TMEFF2: variants seen among roughly 807,000 people sequenced by gnomAD.
TMEFF2 encodes tomoregulin-2.
Under a neutral mutation model 53.8 loss-of-function variants are expected in TMEFF2, and 28 were observed. The ratio of observed to expected loss-of-function variants is 0.52; its 90% CI spans 0.39 to 0.71. The LOEUF (loss-of-function observed/expected upper bound fraction) is 0.71, where lower values mean the gene tolerates loss of function less well. Among genes scored for constraint, TMEFF2 ranks in the 30% least tolerant of loss-of-function variants. The pLI, the probability that TMEFF2 is intolerant of heterozygous loss-of-function variation, is 0.00. For synonymous variants in TMEFF2, 162 were observed against 166.3 expected (o/e 0.97, Z 0.20); for missense variants, 353 against 455.2 (o/e 0.78, Z 2.04).
At chr2:192,153,719 T>A (rs921303430) in intron 4 of TMEFF2, among the ~76,000 whole-genome samples, 2 of 151,868 alleles carry the variant, frequency 1.3e-5, no homozygotes, top group Non-Finnish European at 2.9e-5. Flanking sequence ...TCTACATTGT[T>A]TTCTGTTTTG....
At chr2:191,956,569 G>A (rs1274002370) in intron 7 of TMEFF2, among the ~76,000 whole-genome samples, 191 bp from the exon 8 acceptor site, 2 of 152,122 alleles carry the variant, frequency 1.3e-5, no homozygotes, top group Non-Finnish European at 2.9e-5. Context: ...GATGAAATTT[G>A]CAAAATTACC....
chr2:192,159,243 T>C (rs1184129940), intron 4 of TMEFF2, among the ~76,000 whole-genome samples: 1 of 152,102 alleles, frequency 6.6e-6, no homozygotes, highest in Non-Finnish European at 1.5e-5. Flanking sequence ...CAAGACTTTA[T>C]ACAAGAAGGA....
chr2:192,162,920 C>T (rs1453769389), intron 4 of TMEFF2, among the ~76,000 whole-genome samples: 1 of 152,120 alleles, frequency 6.6e-6, no homozygotes, highest in Non-Finnish European at 1.5e-5. Flanking sequence ...AACTGGAGTC[C>T]TTATTGATAT....
intron 4 of TMEFF2, among the ~76,000 whole-genome samples, chr2:192,167,987 G>A (rs967989449): frequency 2.5e-4 from 38 of 152,040 alleles, no homozygotes; most frequent in Non-Finnish European, 2.6e-4. Context: ...CATAGCACAC[G>A]CCAGACACAA....
intron 4 of TMEFF2, among the ~76,000 whole-genome samples, chr2:192,130,947 T>C (rs1210270349): frequency 6.6e-6 from 1 of 151,160 alleles, no homozygotes; most frequent in African/African-American, 2.4e-5. Context: ...TGTTTAATCA[T>C]TGCAGGGACG....
intron 4 of TMEFF2, among the ~76,000 whole-genome samples, chr2:192,120,743 T>C (rs368863928): frequency 1.2e-4 from 18 of 148,936 alleles, no homozygotes; most frequent in East Asian, 3.9e-4. Context: ...GAATAAACAT[T>C]TTTTTTTTTT....
intron 4 of TMEFF2, among the ~76,000 whole-genome samples, chr2:192,121,760 T>C (rs1689559498): frequency 2.0e-5 from 3 of 152,074 alleles, no homozygotes; most frequent in Admixed American, 6.6e-5. Flanking sequence ...AGTAACACAA[T>C]CAAATTTTGG....
chr2:192,182,838 G>A (rs1455549918), intron 3 of TMEFF2, among the ~76,000 whole-genome samples: 1 of 151,830 alleles, frequency 6.6e-6, no homozygotes, highest in Non-Finnish European at 1.5e-5. Flanking sequence ...TTGTCCTAAA[G>A]TACTATTTCT....
rs1387560075 is a variant in TMEFF2 at position 192,193,753 on chromosome 2, TAGATAGATAGAGAGAGAGAGAGAGAGAG to T, written c.172+572_172+599del. On this transcript the variant is annotated intron_variant, in intron 1 of 9. Coordinates refer to ENST00000272771, the MANE Select transcript of TMEFF2 (RefSeq NM_016192.4). ...GAAGGGAATGAGAGAGAGAGAGAGA[TAGATAGATAGAGAGAGAGAGAGAGAGAG>T]AGAGAGAGAGAGAGAGAGAGAGAGA... Among the ~76,000 whole-genome samples, 338 of 122,740 alleles carry T rather than the reference TAGATAGATAGAGAGAGAGAGAGAGAGAG, an allele frequency of 2.8e-3. 7 individuals are homozygous for T. The highest frequency in any genetic ancestry group is 0.025 in the Middle Eastern group (6 of 238). 80.5% of individuals were successfully genotyped at this position (122,740 alleles called of 152,430 possible). A position where few individuals can be genotyped will look rare whatever the true frequency, so the allele number is the denominator to read the frequency against.
At chr2:192,077,162 T>C (rs1688452114) in intron 4 of TMEFF2, among the ~76,000 whole-genome samples, 1 of 152,084 alleles carries the variant, frequency 6.6e-6, no homozygotes, top group Admixed American at 6.6e-5. Flanking sequence ...AAAATAGCGG[T>C]TGAGAGTTTT....
intron 5 of TMEFF2, chr2:192,028,963 G>A (rs1387866577): frequency 1.3e-5 from 2 of 152,022 alleles, no homozygotes; most frequent in Non-Finnish European, 2.9e-5. Flanking sequence ...ACAGAAGAAA[G>A]AAAAAACCCT....
intron 4 of TMEFF2, among the ~76,000 whole-genome samples, chr2:192,147,479 A>G (rs1311720651): frequency 7.1e-6 from 1 of 141,420 alleles, no homozygotes; most frequent in South Asian, 2.3e-4. Context: ...ATCCCTCCCC[A>G]CTCCCCCCAC....
chr2:191,992,564 C>T (rs1686131961), intron 7 of TMEFF2: 1 of 151,926 alleles, frequency 6.6e-6, no homozygotes, highest in Admixed American at 6.6e-5. Flanking sequence ...AGTATTTGTA[C>T]CCTTAGTGCT....
chr2:191,982,556 A>G (rs1685878765), intron 7 of TMEFF2, among the ~76,000 whole-genome samples: 1 of 152,152 alleles, frequency 6.6e-6, no homozygotes, highest in Non-Finnish European at 1.5e-5. Context: ...TAGTTTCAAA[A>G]TTACATTAGA....
At chr2:192,048,584 ACAT>A (rs1044864381) in intron 5 of TMEFF2, among the ~76,000 whole-genome samples, 1 of 152,178 alleles carries the variant, frequency 6.6e-6, no homozygotes, top group African/African-American at 2.4e-5. Context: ...AAGAGGCTTC[ACAT>A]CATATTTTAA....
intron 4 of TMEFF2, among the ~76,000 whole-genome samples, chr2:192,061,472 G>T (rs965104293): frequency 1.3e-5 from 2 of 152,080 alleles, no homozygotes; most frequent in Non-Finnish European, 1.5e-5. Context: ...ATCTAGAGAT[G>T]ATTTAAATTA....
At chr2:192,046,193 T>C (rs1370157534) in intron 5 of TMEFF2, among the ~76,000 whole-genome samples, 1 of 151,988 alleles carries the variant, frequency 6.6e-6, no homozygotes, top group Non-Finnish European at 1.5e-5. Flanking sequence ...GGTGAAACCC[T>C]GTCTCTACTA....
chr2:192,125,752 C>G (rs975054967), intron 4 of TMEFF2, among the ~76,000 whole-genome samples: 4 of 152,172 alleles, frequency 2.6e-5, no homozygotes, highest in African/African-American at 4.8e-5. Flanking sequence ...CTGTTATCCT[C>G]AGCAAACTAA....
intron 7 of TMEFF2, among the ~76,000 whole-genome samples, chr2:191,981,082 T>C (rs112610904): frequency 6.6e-6 from 1 of 152,076 alleles, no homozygotes; most frequent in Admixed American, 6.6e-5. Flanking sequence ...GTTTTTTTTT[T>C]TTATTTAATA....
Sources: allele counts gnomAD v4.1 joint callset (sites outside exome capture counted in the v4.1 genomes callset), GRCh38; gene constraint gnomAD v4.1.1; transcripts MANE v1.5; gene names NCBI Gene and HGNC (gene_info 2026-07-23, HGNC 2026-07-21).